Variants in TRIM13 observed in about 807,000 individuals in gnomAD.
TRIM13 encodes E3 ubiquitin-protein ligase TRIM13.
In TRIM13, 15 loss-of-function variants were observed where a neutral mutation model predicts 27.1. That is an observed-to-expected ratio of 0.55 (90% confidence interval 0.37 to 0.85). The LOEUF (loss-of-function observed/expected upper bound fraction) is 0.85, where lower values mean the gene tolerates loss of function less well. TRIM13 is among the 40% of genes least tolerant of loss of function. TRIM13 has a pLI of 0.00. For missense variants in TRIM13, 402 were observed against 472.2 expected (o/e 0.85, Z 1.38); for synonymous variants, 193 against 171.5 (o/e 1.13, Z -0.98).
Position 50,015,847 on chromosome 13 carries a change from C to G in TRIM13, c.*2683C>G. The G allele has an allele frequency of 1.9e-6, 3 of 1,614,104 alleles. No homozygotes were observed. Among genetic ancestry groups the G allele is most frequent in the Non-Finnish European group, 1.7e-6 (2 of 1,179,944 alleles). The stretch of plus-strand genomic sequence containing the variant: ...TGGAGGTACATTTCCTAAGCCGGAA[C>G]ACTCAAGCTTTTTTCAGGGTGTTTG... On this transcript the variant is annotated 3_prime_UTR_variant, in exon 2 of 2. Coordinates refer to ENST00000378182, the MANE Select transcript of TRIM13 (RefSeq NM_213590.3).
chr13:49,998,859 C>G (rs529530630), intron 1 of TRIM13, among the ~76,000 whole-genome samples: 1 of 149,798 alleles, frequency 6.7e-6, no homozygotes, highest in Non-Finnish European at 1.5e-5. Flanking sequence ...TGAACCGGGA[C>G]GCAGAGGTTG....
intron 1 of TRIM13, among the ~76,000 whole-genome samples, chr13:50,003,480 CT>C (rs1474496255): frequency 1.3e-5 from 2 of 152,126 alleles, no homozygotes; most frequent in East Asian, 3.8e-4. Flanking sequence ...AGAAAATGAA[CT>C]TTTGTTTCAG....
At position 50,018,089 on chromosome 13, in the gene TRIM13, T is replaced by G. The variant is rs1315311759; in HGVS notation, c.*4925T>G. 6.0e-6 allele frequency: 1 copy of G among 167,108 alleles called. No homozygotes were observed. Among genetic ancestry groups the G allele is most frequent in the Non-Finnish European group, 1.5e-5 (1 of 68,116 alleles). The allele number at this position is 167,108 out of a possible 1,614,324, so 10.4% of individuals were successfully genotyped here. On this transcript the variant is annotated 3_prime_UTR_variant, in exon 2 of 2. Coordinates refer to ENST00000378182, the MANE Select transcript of TRIM13 (RefSeq NM_213590.3). The stretch of plus-strand genomic sequence containing the variant: ...AAAGTCTTTATTTGACTTCTCCTTT[T>G]TGAACTGGCTCAAATGGAAAAGTGT...
intron 1 of TRIM13, among the ~76,000 whole-genome samples, chr13:50,004,183 A>G (rs1874382800): frequency 6.6e-6 from 1 of 152,218 alleles, no homozygotes. Context: ...GCTTGAGGCC[A>G]AGTGCAGTGG....
rs148024695 is a variant in TRIM13, at chr13:50,012,249, C to T, written c.309C>T (p.Asn103=). ...AAGGACACTTGGGGCAGCCTCTCAA[C>T]ATTTTCTGCCTGACTGATATGCAGC... ...VCKGHLGQPL[N]IFCLTDMQLI... The change falls in exon 2 of 2, where the codon AAC becomes AAT. Residue 103 remains asparagine (N), a synonymous_variant. Transcript: ENST00000378182. 2.0e-5 allele frequency: 33 copies of T among 1,614,156 alleles called. No individual in the cohort carries two copies. The African/African-American group carries it at 3.7e-4, about 18-fold the overall frequency.
At chr13:50,008,725 T>G (rs1287679193) in intron 1 of TRIM13, among the ~76,000 whole-genome samples, 1 of 152,066 alleles carries the variant, frequency 6.6e-6, no homozygotes, top group East Asian at 1.9e-4. Flanking sequence ...CTTAGGACAC[T>G]TTTACACTCT....
chr13:50,009,489 C>T (rs1035220120), intron 1 of TRIM13, among the ~76,000 whole-genome samples: 1 of 152,070 alleles, frequency 6.6e-6, no homozygotes, highest in Admixed American at 6.6e-5. Flanking sequence ...GTAATCCCAG[C>T]ACTTTGGGAG....
Position 50,013,168 on chromosome 13 carries a change from C to G in TRIM13, c.*4C>G. On this transcript the variant is annotated 3_prime_UTR_variant, in exon 2 of 2. Transcript: ENST00000378182. Reference sequence around the variant, plus strand: ...GTGCAAATATAAACTATTATAAAATCTGTTTCAAGTATGCAGTTTTCTTTT... The same window carrying G: ...GTGCAAATATAAACTATTATAAAATGTGTTTCAAGTATGCAGTTTTCTTTT... 1 of 1,539,818 alleles carries G rather than the reference C, an allele frequency of 6.5e-7. No individual in the cohort carries two copies. The highest frequency in any genetic ancestry group is 8.7e-7 in the Non-Finnish European group (1 of 1,146,548).
At chr13:50,003,115 T>C (rs1874253978) in intron 1 of TRIM13, among the ~76,000 whole-genome samples, 1 of 152,212 alleles carries the variant, frequency 6.6e-6, no homozygotes, top group East Asian at 1.9e-4. Flanking sequence ...TGAGCCATTT[T>C]ATTATAGGAA....
In TRIM13 at chr13:49,997,163, C is replaced by G. The variant is rs1347246152; in HGVS notation, c.-607C>G. Reference sequence around the variant, plus strand: ...GATAAGTACCCGCCGCCCGGCTCCTCTCGGGAAAGCGGGGTGGTCCTCGAA... The same window carrying G: ...GATAAGTACCCGCCGCCCGGCTCCTGTCGGGAAAGCGGGGTGGTCCTCGAA... On this transcript the variant is annotated 5_prime_UTR_variant, in exon 1 of 2. Coordinates refer to ENST00000378182, the MANE Select transcript of TRIM13 (RefSeq NM_213590.3). The G allele has an allele frequency of 6.6e-6, 1 of 152,214 alleles. No homozygotes were observed. The highest frequency in any genetic ancestry group is 2.4e-5 in the African/African-American group (1 of 41,392). 9.4% of individuals were successfully genotyped at this position (152,214 alleles called of 1,614,324 possible). A position where few individuals can be genotyped will look rare whatever the true frequency, so the allele number is the denominator to read the frequency against.
rs1566447166 is a variant in TRIM13 at position 50,015,095 on chromosome 13, ATAT to A, written c.*1932_*1934del. 3 of 16,704 alleles carry A rather than the reference ATAT, an allele frequency of 1.8e-4. No individual in the cohort carries two copies. The highest frequency in any genetic ancestry group is 2.5e-3 in the South Asian group (1 of 408). The allele number at this position is 16,704 out of a possible 1,614,324, so 1.0% of individuals were successfully genotyped here. On this transcript the variant is annotated 3_prime_UTR_variant, in exon 2 of 2. Coordinates refer to ENST00000378182, the MANE Select transcript of TRIM13 (RefSeq NM_213590.3). ...AGTAATAAAAAAAAAAAAAAAAAAA[ATAT>A]ATATATATATATATATATATATATA...
rs879838931 is a variant in TRIM13, at chr13:50,007,909, G to C, written c.-6-4026G>C. 5.4e-4 allele frequency among the ~76,000 whole-genome samples: 82 copies of C among 150,606 alleles called. 1 individual carries two copies. The highest frequency in any genetic ancestry group is 1.2e-3 in the Non-Finnish European group (78 of 67,722). On this transcript the variant is annotated intron_variant, in intron 1 of 1. Transcript: ENST00000378182. The stretch of plus-strand genomic sequence containing the variant: ...TGAAATTACTGTTAAAAAAGTATTC[G>C]CTTTTTTTTTTTTGAGACAGAGTAT...
At chr13:50,008,198 G>T (rs2138390081) in intron 1 of TRIM13, among the ~76,000 whole-genome samples, 1 of 152,142 alleles carries the variant, frequency 6.6e-6, no homozygotes, top group Non-Finnish European at 1.5e-5. Context: ...AGCCACCCGT[G>T]CCCGGCCAAG....
chr13:50,011,854 G>C, intron 1 of TRIM13, 81 bp from the exon 2 acceptor site: 1 of 1,445,274 alleles, frequency 6.9e-7, no homozygotes, highest in Non-Finnish European at 9.3e-7. Flanking sequence ...ATTTTAACGT[G>C]AAGGCAGATT....
intron 1 of TRIM13, among the ~76,000 whole-genome samples, chr13:49,999,345 C>T (rs1873729612): frequency 6.6e-6 from 1 of 152,074 alleles, no homozygotes; most frequent in Non-Finnish European, 1.5e-5. Flanking sequence ...AAATCGATTG[C>T]GTTTCACCCC....
chr13:50,012,692 A>G lies in TRIM13; in HGVS notation c.752A>G (p.Gln251Arg). The G allele has an allele frequency of 6.2e-7, 1 of 1,614,178 alleles. No individual in the cohort carries two copies. ...TCAGAACCCATTGTATTTCTGCAACAGATGCAGGAGTTTAGAGAGAAAATC... is the reference window on the plus strand; with the variant it reads ...TCAGAACCCATTGTATTTCTGCAACGGATGCAGGAGTTTAGAGAGAAAATC... The part of the protein sequence containing the change: ...DVSEPIVFLQ[Q>R]MQEFREKIKV... The change falls in exon 2 of 2, where the codon CAG becomes CGG. Residue 251 changes from glutamine (Q) to arginine (R), a missense_variant. Physicochemically the swap from Gln to Arg is conservative, Grantham distance 43. This residue lies in a region of TRIM13 where 200 missense variants were observed against 194.7 expected (regional missense o/e 1.03). Transcript: ENST00000378182.
At chr13:50,011,205 T>G (rs572633810) in intron 1 of TRIM13, among the ~76,000 whole-genome samples, 2 of 152,276 alleles carry the variant, frequency 1.3e-5, no homozygotes, top group African/African-American at 4.8e-5. Flanking sequence ...AACATCTTAG[T>G]GTCATTACGA....
Position 50,016,166 on chromosome 13 carries a change from A to G in TRIM13, c.*3002A>G. 2.4e-6 allele frequency: 2 copies of G among 843,722 alleles called. No homozygotes were observed. Among genetic ancestry groups the G allele is most frequent in the Non-Finnish European group, 3.7e-6 (2 of 539,594 alleles). The allele number at this position is 843,722 out of a possible 1,614,324, so 52.3% of individuals were successfully genotyped here. ...CTCAGGCCTGTAACTTCTGGAAAAG[A>G]TGATTATTCAAAATAATGTTTTGGG... On this transcript the variant is annotated 3_prime_UTR_variant, in exon 2 of 2. Coordinates refer to ENST00000378182, the MANE Select transcript of TRIM13 (RefSeq NM_213590.3).
chr13:49,998,908 C>T (rs1461713160), intron 1 of TRIM13, among the ~76,000 whole-genome samples: 2 of 141,566 alleles, frequency 1.4e-5, no homozygotes, highest in Non-Finnish European at 3.0e-5. Context: ...CCAGACTGGG[C>T]AACAGAGCGA....
Sources: allele counts gnomAD v4.1 joint callset (sites outside exome capture counted in the v4.1 genomes callset), GRCh38; gene constraint gnomAD v4.1.1; regional missense constraint gnomAD v4.1.1; transcripts MANE v1.5; gene names NCBI Gene and HGNC (gene_info 2026-07-23, HGNC 2026-07-21).